Variants in SYTL3 observed in about 807,000 individuals in gnomAD.
The protein encoded by SYTL3 is synaptotagmin-like protein 3.
A neutral mutation model predicts 82.1 loss-of-function variants in SYTL3; 88 were observed. That is an observed-to-expected ratio of 1.07 (90% CI 0.90 to 1.28). The LOEUF is 1.28. Ranked by LOEUF, SYTL3 falls within the 50% of genes most tolerant of loss-of-function variation. SYTL3 has a pLI of 0.00. For missense variants in SYTL3, 831 were observed against 757.6 expected, an observed-to-expected ratio of 1.10 and a Z score of -1.14; for synonymous variants, 311 against 289.4, an observed-to-expected ratio of 1.07 and a Z score of -0.76.
intron 2 of SYTL3, among the ~76,000 whole-genome samples, chr6:158,656,279 A>C (rs1583122897): frequency 6.6e-6 from 1 of 150,450 alleles, no homozygotes; most frequent in Non-Finnish European, 1.5e-5. Flanking sequence ...CTTTCCTGTC[A>C]CCTGTCAGTC....
chr6:158,652,292 G>C (rs1196498626), intron 2 of SYTL3, among the ~76,000 whole-genome samples: 2 of 151,784 alleles, frequency 1.3e-5, no homozygotes, highest in Non-Finnish European at 2.9e-5. Flanking sequence ...CTGTTGCCCA[G>C]GCTAGAGTGC....
chr6:158,700,467 A>G (rs1364604851), intron 6 of SYTL3, among the ~76,000 whole-genome samples: 1 of 151,864 alleles, frequency 6.6e-6, no homozygotes, highest in Non-Finnish European at 1.5e-5. Flanking sequence ...CACTTAATTA[A>G]TGTGAATGAA....
At chr6:158,701,543 GT>G (rs1330451737) in intron 6 of SYTL3, among the ~76,000 whole-genome samples, 81 of 140,650 alleles carry the variant, frequency 5.8e-4, no homozygotes, top group Middle Eastern at 3.6e-3. Context: ...ATGAAGAGCT[GT>G]TCTGGGGGGG....
rs527526031 is a variant in SYTL3, at chr6:158,757,915, C to T, written c.1308+534C>T. Among the ~76,000 whole-genome samples the T allele has an allele frequency of 7.2e-5, 11 of 152,248 alleles. No homozygotes were observed. In the South Asian group the frequency reaches 1.0e-3, roughly 14 times the overall value. On this transcript the variant is annotated intron_variant, in intron 14 of 17. Transcript: ENST00000611299. ...CTCCAGCTCCTGGTTTGGAATTGCA[C>T]GGCGGGAGATAGATAGCACGTGGGC...
At chr6:158,719,966 A>G (rs1053969581) in intron 10 of SYTL3, among the ~76,000 whole-genome samples, 12 of 152,118 alleles carry the variant, frequency 7.9e-5, no homozygotes, top group African/African-American at 2.9e-4. Flanking sequence ...TCACATGTCT[A>G]TAATCCCAGC....
chr6:158,654,818 C>T (rs575199617), intron 2 of SYTL3, among the ~76,000 whole-genome samples: 1 of 152,100 alleles, frequency 6.6e-6, no homozygotes, highest in South Asian at 2.1e-4. Flanking sequence ...GGCTGAGTGT[C>T]GGGGGGGCTT....
chr6:158,675,942 T>G (rs1301581755), intron 5 of SYTL3, among the ~76,000 whole-genome samples: 1 of 152,126 alleles, frequency 6.6e-6, no homozygotes, highest in Non-Finnish European at 1.5e-5. Flanking sequence ...AGAGCGAGAC[T>G]CCATCTCATG....
Position 158,762,297 on chromosome 6 carries a change from C to G in SYTL3, c.1517+119C>G, listed in dbSNP as rs895791048. The G allele has an allele frequency of 5.4e-5, 38 of 708,050 alleles. 1 individual carries two copies. The highest frequency in any genetic ancestry group is 1.4e-5 in the Non-Finnish European group (6 of 434,432). The allele number at this position is 708,050 out of a possible 1,614,324, so 43.9% of individuals were successfully genotyped here. On this transcript the variant is annotated intron_variant, in intron 16 of 17. Coordinates refer to ENST00000611299, the MANE Select transcript of SYTL3 (RefSeq NM_001242394.2). ...ACTTAAAACGTCTTATTTTAGCTTTCCTATGAAAATCTAACAACACATATT... is the reference window on the plus strand; with the variant it reads ...ACTTAAAACGTCTTATTTTAGCTTTGCTATGAAAATCTAACAACACATATT...
chr6:158,674,013 G>A (rs941635681), intron 5 of SYTL3, among the ~76,000 whole-genome samples: 6 of 150,620 alleles, frequency 4.0e-5, no homozygotes, highest in Admixed American at 3.3e-4. Context: ...GAACCTGAGA[G>A]TTGGAGGTTG....
intron 12 of SYTL3, among the ~76,000 whole-genome samples, chr6:158,749,806 A>G (rs1020854626): frequency 6.6e-6 from 1 of 152,198 alleles, no homozygotes; most frequent in African/African-American, 2.4e-5. Context: ...CACATTCTCA[A>G]GAGACACAAA....
chr6:158,726,524 C>T (rs559183301), intron 11 of SYTL3: 14 of 190,806 alleles, frequency 7.3e-5, no homozygotes, highest in Middle Eastern at 2.4e-3. Context: ...AGAGATCCAG[C>T]GGACTGAATA....
At chr6:158,687,959 C>G (rs1218395243) in intron 6 of SYTL3, among the ~76,000 whole-genome samples, 1 of 152,220 alleles carries the variant, frequency 6.6e-6, no homozygotes, top group Non-Finnish European at 1.5e-5. Flanking sequence ...ACACTCCCAG[C>G]CTTCTTTCTA....
chr6:158,677,937 T>A (rs1026869311), intron 5 of SYTL3, among the ~76,000 whole-genome samples: 1 of 152,112 alleles, frequency 6.6e-6, no homozygotes, highest in African/African-American at 2.4e-5. Context: ...TTGCCCAGAC[T>A]GGAGTGCAGT....
At chr6:158,687,663 C>T (rs1180619626) in intron 6 of SYTL3, among the ~76,000 whole-genome samples, 1 of 152,194 alleles carries the variant, frequency 6.6e-6, no homozygotes, top group Non-Finnish European at 1.5e-5. Context: ...TCTGGTCAGT[C>T]AGCAAATCCT....
Position 158,764,554 on chromosome 6 carries a change from G to C in SYTL3, c.1783G>C (p.Val595Leu), listed in dbSNP as rs1475151503. The part of the protein sequence containing the change: ...CSLSKLQWQK[V>L]LSSPNLWTDM... ...ACTATCGAAGCTCCAGTGGCAGAAA[G>C]TCCTTTCCAGCCCCAATCTATGGAC... The change falls in exon 18 of 18, where the codon GTC (valine) becomes CTC (leucine). Residue 595 changes from valine (V) to leucine (L), a missense_variant. Val to Leu is a conservative substitution (Grantham distance 32). Coordinates refer to ENST00000611299, the MANE Select transcript of SYTL3 (RefSeq NM_001242394.2). The C allele has an allele frequency of 1.9e-6, 3 of 1,614,056 alleles. No homozygotes were observed. The highest frequency in any genetic ancestry group is 2.2e-5 in the South Asian group (2 of 91,082).
upstream of SYTL3, among the ~76,000 whole-genome samples, chr6:158,647,793 A>C (rs1008507639): frequency 6.6e-6 from 1 of 152,264 alleles, no homozygotes; most frequent in Non-Finnish European, 1.5e-5. Flanking sequence ...CTATGCAGTA[A>C]GTCAGTGGAG....
At chr6:158,705,010 C>T (rs34476393) in intron 6 of SYTL3, among the ~76,000 whole-genome samples, 3 of 52,218 alleles carry the variant, frequency 5.7e-5, no homozygotes, top group East Asian at 2.8e-4. Flanking sequence ...AGGAGGGACC[C>T]GGGGCAGGGT....
intron 15 of SYTL3, among the ~76,000 whole-genome samples, chr6:158,761,272 G>A (rs1789885942): frequency 6.6e-6 from 1 of 151,794 alleles, no homozygotes; most frequent in Non-Finnish European, 1.5e-5. Context: ...GAGGAGGGCG[G>A]GGAAGGAGGA....
At position 158,745,510 on chromosome 6, in the gene SYTL3, A is replaced by G; in HGVS notation, c.886A>G (p.Thr296Ala). Reference sequence around the variant, plus strand: ...TTTAATTAGCATTGACAGCACCTGTACAGAGATGGGCAATTTTGACAATGC... The same window carrying G: ...TTTAATTAGCATTGACAGCACCTGTGCAGAGATGGGCAATTTTGACAATGC... ...GSLISIDSTC[T>A]EMGNFDNANV... The change falls in exon 12 of 18, where the codon ACA becomes GCA. Residue 296 changes from threonine (T) to alanine (A), a missense_variant. Coordinates refer to ENST00000611299, the MANE Select transcript of SYTL3 (RefSeq NM_001242394.2). 4.3e-6 allele frequency: 7 copies of G among 1,613,322 alleles called. No homozygotes were observed. The highest frequency in any genetic ancestry group is 5.9e-6 in the Non-Finnish European group (7 of 1,179,848).
Sources: allele counts gnomAD v4.1 joint callset (sites outside exome capture counted in the v4.1 genomes callset), GRCh38; gene constraint gnomAD v4.1.1; transcripts MANE v1.5; gene names NCBI Gene and HGNC (gene_info 2026-07-23, HGNC 2026-07-21).